LUZP1: variants seen among roughly 807,000 people sequenced by gnomAD.
LUZP1 encodes filamin mechanobinding actin cross-linking protein.
In LUZP1, 25 loss-of-function variants were observed where a neutral mutation model predicts 71.3. That is an observed-to-expected ratio of 0.35 (90% CI 0.26 to 0.49). LUZP1 has a LOEUF of 0.49. Among genes scored for constraint, LUZP1 ranks in the 20% least tolerant of loss-of-function variants. The pLI is 0.99. For missense variants in LUZP1, 1,142 were observed against 1,300.8 expected (o/e 0.88, Z 1.88); for synonymous variants, 481 against 506.4 (o/e 0.95, Z 0.67).
intron 2 of LUZP1, among the ~76,000 whole-genome samples, chr1:23,121,698 G>A (rs1056695783): frequency 6.6e-6 from 1 of 152,108 alleles, no homozygotes; most frequent in South Asian, 2.1e-4. Context: ...CCAGATGACA[G>A]AGCAAGACCC....
At position 23,093,952 on chromosome 1, in the gene LUZP1, G is replaced by A. The variant is rs769728664; in HGVS notation, c.310C>T (p.Arg104Trp). 4.3e-6 allele frequency: 7 copies of A among 1,614,100 alleles called. No homozygotes were observed. Among genetic ancestry groups the A allele is most frequent in the Middle Eastern group, 3.3e-4 (2 of 6,062 alleles). ...CGCTCAATCTCAGATTTCAGCTCCC[G>A]GGTGAGGTTTTCTTCCTCTTCAAGT... Residue 104 changes from arginine to tryptophan, a missense_variant, in exon 4 of 5, where the codon CGG becomes TGG. By Grantham distance (101) the Arg-to-Trp change is moderately radical. Coordinates refer to ENST00000302291, the Ensembl canonical transcript of LUZP1. The surrounding 1 kb of genome is among the most constrained non-coding windows in gnomAD (Gnocchi z 4.2).
intron 3 of LUZP1, among the ~76,000 whole-genome samples, chr1:23,104,943 T>C (rs780048928): frequency 1.5e-4 from 23 of 152,054 alleles, no homozygotes; most frequent in Non-Finnish European, 1.0e-4. Context: ...TTATATATAA[T>C]CTCTTAAATG....
intron 3 of LUZP1, among the ~76,000 whole-genome samples, chr1:23,105,056 T>C (rs562243531): frequency 1.3e-5 from 2 of 152,332 alleles, no homozygotes; most frequent in South Asian, 4.1e-4. Flanking sequence ...GAAGCAAATT[T>C]GCAACCTGTA....
rs561886893 is a variant in LUZP1, at chr1:23,114,418, G to A, written c.-225-5291C>T. On this transcript the variant is annotated intron_variant, in intron 2 of 4. Coordinates refer to ENST00000302291, the Ensembl canonical transcript of LUZP1. ...GGTAAACAGGCCGATGGCAGGATGG[G>A]GTGGGGACCAATCAGGGGGTATGGG... Among the ~76,000 whole-genome samples, 11 of 152,272 alleles carry A rather than the reference G, an allele frequency of 7.2e-5. No homozygotes were observed. The South Asian group carries it at 2.1e-3, about 29-fold the overall frequency.
chr1:23,089,177 A>G lies in LUZP1; in HGVS notation c.3073-124T>C, dbSNP rs561326258. The G allele has an allele frequency of 7.2e-6, 6 of 835,874 alleles. No homozygotes were observed. The East Asian group carries it at 1.2e-4, about 17-fold the overall frequency. 51.8% of individuals were successfully genotyped at this position (835,874 alleles called of 1,614,324 possible). On this transcript the variant is annotated intron_variant, in intron 4 of 4. Coordinates refer to ENST00000302291, the Ensembl canonical transcript of LUZP1. ...GAGGCAGATATAGCCCAGACAGGCC[A>G]TAAGTTAACTGCAAAGATATGCTTT...
chr1:23,159,351 A>T (rs1242213950), intron 2 of LUZP1, among the ~76,000 whole-genome samples: 3 of 152,208 alleles, frequency 2.0e-5, no homozygotes, highest in Admixed American at 1.3e-4. Context: ...AAAAAAAAAA[A>T]TTTGATTACT....
At chr1:23,085,893 T>G (rs1471333035) in exon 5 of LUZP1, 1 of 152,212 alleles carries the variant, frequency 6.6e-6, no homozygotes, top group Non-Finnish European at 1.5e-5. Context: ...CTGCTGGTAC[T>G]AAGCCAGCTT....
Position 23,171,088 on chromosome 1 carries a change from CAA to C in LUZP1, c.-484-2066_-484-2065del, listed in dbSNP as rs66613866. Among the ~76,000 whole-genome samples the C allele has an allele frequency of 2.3e-3, 326 of 141,216 alleles. 1 individual carries two copies. The highest frequency in any genetic ancestry group is 7.6e-3 in the Middle Eastern group (2 of 264). The allele number at this position is 141,216 out of a possible 152,430, so 92.6% of individuals were successfully genotyped here. A position where few individuals can be genotyped will look rare whatever the true frequency, so the allele number is the denominator to read the frequency against. On this transcript the variant is annotated intron_variant, in intron 1 of 4. Coordinates refer to ENST00000302291, the Ensembl canonical transcript of LUZP1. ...CTGGTGACAGATCGAGACCCTGTCT[CAA>C]AAAAAAAAAATATATATATATATAT...
At chr1:23,147,945 A>G (rs1644355732) in intron 2 of LUZP1, among the ~76,000 whole-genome samples, 1 of 152,248 alleles carries the variant, frequency 6.6e-6, no homozygotes, top group African/African-American at 2.4e-5. Context: ...AAATACAAGA[A>G]TACAATAGCT....
intron 3 of LUZP1, among the ~76,000 whole-genome samples, chr1:23,104,341 C>T (rs933830262): frequency 3.9e-5 from 6 of 151,920 alleles, no homozygotes; most frequent in South Asian, 2.1e-4. Context: ...TGCGCCACCA[C>T]GCCCAGCTAA....
intron 2 of LUZP1, among the ~76,000 whole-genome samples, chr1:23,157,576 A>G (rs1644429878): frequency 6.6e-6 from 1 of 152,064 alleles, no homozygotes; most frequent in Non-Finnish European, 1.5e-5. Flanking sequence ...AGATCACCTG[A>G]GGTCAGGAGT....
chr1:23,146,525 C>A (rs957411962), intron 2 of LUZP1, among the ~76,000 whole-genome samples: 4 of 152,124 alleles, frequency 2.6e-5, no homozygotes, highest in African/African-American at 4.8e-5. Context: ...GACCCCCATG[C>A]GGTGCCTCAC....
chr1:23,092,781 G>A, exon 4 of LUZP1: 1 of 1,613,682 alleles, frequency 6.2e-7, no homozygotes, highest in Non-Finnish European at 8.5e-7. Context: ...CTCGGTGCCT[G>A]GCTTGGAAGT....
intron 2 of LUZP1, among the ~76,000 whole-genome samples, chr1:23,161,599 T>C (rs747619413): frequency 4.2e-4 from 64 of 151,754 alleles, no homozygotes; most frequent in Non-Finnish European, 1.0e-4. Context: ...AAAAATTAAA[T>C]AAAATAAGAA....
chr1:23,093,164 G>A lies in LUZP1; in HGVS notation c.1098C>T (p.Ser366=). ...TAGTCCTCTCATGTCTGCCTTTGCT[G>A]GACAGGAAAGCATCTTCCCCTTCTA... The change falls in exon 4 of 5, where the codon TCC becomes TCT. Residue 366 remains serine (S), a synonymous_variant. Coordinates refer to ENST00000302291, the Ensembl canonical transcript of LUZP1. The surrounding 1 kb of genome is among the most constrained non-coding windows in gnomAD (Gnocchi z 4.2). 5 of 1,614,040 alleles carry A rather than the reference G, an allele frequency of 3.1e-6. No homozygotes were observed. The highest frequency in any genetic ancestry group is 4.2e-6 in the Non-Finnish European group (5 of 1,180,002).
rs760716379 is a variant in LUZP1 at position 23,094,213 on chromosome 1, G to T, written c.49C>A (p.Arg17=). Reference sequence around the variant, plus strand: ...CGGCTTAGACTCTGTAGCTTAAACCGCAAGTGGCGGCTGGAGGCCGTCTCC... The same window carrying T: ...CGGCTTAGACTCTGTAGCTTAAACCTCAAGTGGCGGCTGGAGGCCGTCTCC... The change falls in exon 4 of 5, where the codon CGG becomes AGG. Residue 17 remains arginine (R), a synonymous_variant. Coordinates refer to ENST00000302291, the Ensembl canonical transcript of LUZP1. The surrounding 1 kb of genome is among the most constrained non-coding windows in gnomAD (Gnocchi z 4.7). 7 of 1,612,280 alleles carry T rather than the reference G, an allele frequency of 4.3e-6. No individual in the cohort carries two copies. The East Asian group carries it at 1.6e-4, about 36-fold the overall frequency.
At chr1:23,162,004 C>CGACAGAACG (rs1352047807) in intron 2 of LUZP1, among the ~76,000 whole-genome samples, 7 of 112,002 alleles carry the variant, frequency 6.2e-5, no homozygotes, top group South Asian at 6.2e-4. Context: ...CCAGCCTGGG[C>CGACAGAACG]GACAGAACGA....
At chr1:23,122,917 C>T (rs963906938) in intron 2 of LUZP1, among the ~76,000 whole-genome samples, 2 of 152,214 alleles carry the variant, frequency 1.3e-5, no homozygotes, top group Non-Finnish European at 2.9e-5. Flanking sequence ...TTCTATGGCT[C>T]CTGCCTTGTG....
intron 2 of LUZP1, among the ~76,000 whole-genome samples, chr1:23,146,953 C>A (rs1403514815): frequency 2.0e-5 from 3 of 150,856 alleles, no homozygotes; most frequent in Non-Finnish European, 4.4e-5. Flanking sequence ...AAAAATTAGC[C>A]AGGTGTGGTG....
Sources: allele counts gnomAD v4.1 joint callset (sites outside exome capture counted in the v4.1 genomes callset), GRCh38; gene constraint gnomAD v4.1.1; non-coding constraint Gnocchi (gnomAD v3.1); transcripts MANE v1.5; gene names NCBI Gene and HGNC (gene_info 2026-07-23, HGNC 2026-07-21).